The following TMCC3 variants were observed in gnomAD, a reference collection of about 807,000 sequenced individuals.
TMCC3 encodes transmembrane and coiled-coil domain family 3, also known as transmembrane and coiled-coil domain protein 3.
TMCC3 carries 28 observed loss-of-function variants against 40.2 expected under a neutral mutation model. The ratio of observed to expected loss-of-function variants is 0.70; its 90% confidence interval spans 0.52 to 0.95. The LOEUF (loss-of-function observed/expected upper bound fraction) is 0.95, where lower values mean the gene tolerates loss of function less well. TMCC3 is among the 40% of genes least tolerant of loss of function. The probability of loss-of-function intolerance (pLI) is 0.00; values close to 1 mark genes in which losing one functional copy is unlikely to be tolerated. For missense variants in TMCC3, 554 were observed against 615.2 expected (o/e 0.90, Z 1.05); for synonymous variants, 255 against 248.5 (o/e 1.03, Z -0.25).
At chr12:94,572,958 A>G (rs971983969) in intron 3 of TMCC3, among the ~76,000 whole-genome samples, 20 of 152,188 alleles carry the variant, frequency 1.3e-4, no homozygotes, top group Non-Finnish European at 2.6e-4. Context: ...ACTAAGACAC[A>G]GATGGCTACA....
chr12:94,603,019 C>G (rs548141807), intron 1 of TMCC3, among the ~76,000 whole-genome samples: 1 of 152,248 alleles, frequency 6.6e-6, no homozygotes, highest in Admixed American at 6.5e-5. Context: ...ATGCCAATAG[C>G]CTTGTTCATA....
intron 1 of TMCC3, among the ~76,000 whole-genome samples, chr12:94,583,033 A>G (rs552679273): frequency 5.1e-4 from 74 of 146,458 alleles, no homozygotes; most frequent in Non-Finnish European, 1.0e-3. Flanking sequence ...AAAAGATACG[A>G]GCAGGTACAT....
In TMCC3 at chr12:94,570,535, T is replaced by C. The variant is rs913520240; in HGVS notation, c.*900A>G. 2.0e-5 allele frequency: 3 copies of C among 152,100 alleles called. No homozygotes were observed. Among genetic ancestry groups the C allele is most frequent in the Non-Finnish European group, 4.4e-5 (3 of 68,026 alleles). The allele number at this position is 152,100 out of a possible 1,614,324, so 9.4% of individuals were successfully genotyped here. ...TGCTTGGGAGGCTGAGGTGGGAGGA[T>C]CCCTTGAAGCAAGGAGTTTGCAACC... On this transcript the variant is annotated 3_prime_UTR_variant, in exon 4 of 4. Coordinates refer to ENST00000261226, the MANE Select transcript of TMCC3 (RefSeq NM_020698.4).
At chr12:94,630,627 C>A (rs932443151) in intron 1 of TMCC3, among the ~76,000 whole-genome samples, 1 of 152,196 alleles carries the variant, frequency 6.6e-6, no homozygotes, top group African/African-American at 2.4e-5. Flanking sequence ...GGCACTCCTA[C>A]CCATTTATGC....
intron 1 of TMCC3, among the ~76,000 whole-genome samples, chr12:94,625,171 C>T (rs1405540983): frequency 6.8e-6 from 1 of 147,630 alleles, no homozygotes; most frequent in African/African-American, 2.5e-5. Flanking sequence ...TTTTTTTTTA[C>T]AGAGGTTTGA....
chr12:94,578,585 G>C, intron 2 of TMCC3, 56 bp from the exon 3 acceptor site: 1 of 1,558,064 alleles, frequency 6.4e-7, no homozygotes, highest in Non-Finnish European at 8.7e-7. Context: ...ATTGTGGAAC[G>C]ATGTCCTTTT....
rs1329602382 is a variant in TMCC3 at position 94,593,380 on chromosome 12, A to AAAGAAAG, written c.79-10849_79-10843dup. On this transcript the variant is annotated intron_variant, in intron 1 of 3. Coordinates refer to ENST00000261226, the MANE Select transcript of TMCC3 (RefSeq NM_020698.4). ...CATCTAAAAAAAAAAAAAGAAAAGAAAAGAAAGAAGAAAGAAGAAAGAAGA... is the reference window on the plus strand; with the variant it reads ...CATCTAAAAAAAAAAAAAGAAAAGAAAAGAAAGAAGAAAGAAGAAAGAAGAAAGAAGA... Among the ~76,000 whole-genome samples, 7 of 64,450 alleles carry AAAGAAAG rather than the reference A, an allele frequency of 1.1e-4. 2 individuals are homozygous for AAAGAAAG. Among genetic ancestry groups the AAAGAAAG allele is most frequent in the Admixed American group, 3.1e-4 (2 of 6,530 alleles). The allele number at this position is 64,450 out of a possible 152,430, so 42.3% of individuals were successfully genotyped here.
intron 1 of TMCC3, among the ~76,000 whole-genome samples, chr12:94,620,833 C>G (rs753401680): frequency 2.0e-5 from 3 of 152,162 alleles, no homozygotes; most frequent in Non-Finnish European, 4.4e-5. Flanking sequence ...CTCTAAGGCA[C>G]TTTATGTGTT....
intron 1 of TMCC3, among the ~76,000 whole-genome samples, chr12:94,649,283 C>G (rs2069038670): frequency 6.6e-6 from 1 of 152,218 alleles, no homozygotes; most frequent in Non-Finnish European, 1.5e-5. Context: ...AAATCCTGCA[C>G]AAAGGGCCGC....
In TMCC3 at chr12:94,578,439, C is replaced by T. The variant is rs2068580599; in HGVS notation, c.1086G>A (p.Glu362=). ...CGTAGGCCTGGTAGGCCACCTTCTC[C>T]TCAATGCTGGCCAGCTCCTGCTTCA... is the stretch of plus-strand genomic sequence containing the variant. ...ANLKQELASI[E]EKVAYQAYER... Residue 362 remains glutamate (E), a synonymous_variant, in exon 3 of 4, where the codon GAG becomes GAA. Coordinates refer to ENST00000261226, the MANE Select transcript of TMCC3 (RefSeq NM_020698.4). 17 of 1,614,132 alleles carry T rather than the reference C, an allele frequency of 1.1e-5. No homozygotes were observed. In the East Asian group the frequency reaches 3.8e-4, roughly 36 times the overall value.
intron 1 of TMCC3, among the ~76,000 whole-genome samples, chr12:94,604,233 G>T (rs890451958): frequency 6.6e-6 from 1 of 152,196 alleles, no homozygotes; most frequent in African/African-American, 2.4e-5. Flanking sequence ...TAGTCATTTA[G>T]AAAGCCAATG....
At chr12:94,624,438 C>A (rs1037228153) in intron 1 of TMCC3, among the ~76,000 whole-genome samples, 3 of 152,196 alleles carry the variant, frequency 2.0e-5, no homozygotes, top group African/African-American at 7.2e-5. Flanking sequence ...CATGGCCAGG[C>A]ATGGTGGCTC....
chr12:94,608,176 A>G (rs1594285427), intron 1 of TMCC3, among the ~76,000 whole-genome samples: 1 of 152,226 alleles, frequency 6.6e-6, no homozygotes, highest in Non-Finnish European at 1.5e-5. Flanking sequence ...ACATCCTTCA[A>G]AGGAATCAAA....
chr12:94,610,018 C>T (rs775237087), intron 1 of TMCC3: 8 of 152,306 alleles, frequency 5.3e-5, no homozygotes, highest in Non-Finnish European at 1.2e-4. Flanking sequence ...TTTTCGGCCT[C>T]CACTCCAGGA....
At position 94,570,853 on chromosome 12, in the gene TMCC3, G is replaced by C. The variant is rs957109972; in HGVS notation, c.*582C>G. 1 of 152,898 alleles carries C rather than the reference G, an allele frequency of 6.5e-6. No individual in the cohort carries two copies. The highest frequency in any genetic ancestry group is 2.4e-5 in the African/African-American group (1 of 41,424). 9.5% of individuals were successfully genotyped at this position (152,898 alleles called of 1,614,324 possible). On this transcript the variant is annotated 3_prime_UTR_variant, in exon 4 of 4. Coordinates refer to ENST00000261226, the MANE Select transcript of TMCC3 (RefSeq NM_020698.4). Reference sequence around the variant, plus strand: ...CTCAGGTAGACTTGTTGGATAACAGGTGTGTGATAAGATTTCCACGTTACA... The same window carrying C: ...CTCAGGTAGACTTGTTGGATAACAGCTGTGTGATAAGATTTCCACGTTACA...
intron 1 of TMCC3, among the ~76,000 whole-genome samples, chr12:94,638,838 T>C (rs1245299727): frequency 6.6e-6 from 1 of 152,210 alleles, no homozygotes; most frequent in African/African-American, 2.4e-5. Flanking sequence ...GGAGTAAATA[T>C]ATTTAGGTGC....
chr12:94,650,208 G>A, intron 1 of TMCC3, 145 bp downstream of exon 1: 1 of 380,082 alleles, frequency 2.6e-6, no homozygotes, highest in Non-Finnish European at 4.2e-6. Flanking sequence ...TTAGCTCGGA[G>A]GATCGGGGAG....
chr12:94,637,378 A>G (rs553514355), intron 1 of TMCC3, among the ~76,000 whole-genome samples: 18 of 152,350 alleles, frequency 1.2e-4, no homozygotes, highest in African/African-American at 4.1e-4. Flanking sequence ...CATCCATACC[A>G]GGAAAGATAT....
intron 1 of TMCC3, among the ~76,000 whole-genome samples, chr12:94,599,564 C>CA (rs772616886): frequency 0.37 from 52,095 of 139,356 alleles, 9,721 homozygotes; most frequent in African/African-American, 0.44. Flanking sequence ...ATACCCCCCC[C>CA]CCCGCCCACA....
Sources: gnomAD v4.1 joint callset for allele counts (sites outside exome capture counted in the v4.1 genomes callset) on GRCh38, gnomAD v4.1.1 for gene constraint, MANE v1.5 for transcripts, NCBI Gene and HGNC (gene_info 2026-07-23, HGNC 2026-07-21) for gene names.